The following CDC42SE2 variants were observed in gnomAD, a reference collection of about 807,000 sequenced individuals.
The protein encoded by CDC42SE2 is CDC42 small effector protein 2.
CDC42SE2 carries 3 observed loss-of-function variants against 11.5 expected under a neutral mutation model. The observed-to-expected ratio is 0.26, with a 90% CI of 0.12 to 0.67. CDC42SE2 has a LOEUF of 0.67. Ranked by LOEUF, CDC42SE2 falls within the 30% of genes least tolerant of loss-of-function variation. The probability of loss-of-function intolerance (pLI) is 0.80; values close to 1 mark genes in which losing one functional copy is unlikely to be tolerated. For missense variants in CDC42SE2, 82 were observed against 106.8 expected, an observed-to-expected ratio of 0.77 and a Z score of 1.02; for synonymous variants, 33 against 34.8, an observed-to-expected ratio of 0.95 and a Z score of 0.18.
intron 3 of CDC42SE2, among the ~76,000 whole-genome samples, chr5:131,367,082 G>T (rs1453361891): frequency 2.0e-5 from 3 of 150,442 alleles, no homozygotes; most frequent in African/African-American, 7.3e-5. Context: ...TATATAACAG[G>T]TCAAAATATA....
intron 2 of CDC42SE2, among the ~76,000 whole-genome samples, chr5:131,337,053 AGC>A (rs1758583555): frequency 6.6e-6 from 1 of 152,030 alleles, no homozygotes. Context: ...TCTGATTTTT[AGC>A]GTTTCCGGTT....
At chr5:131,238,100 T>C in the CDC42SE2 span, among the ~76,000 whole-genome samples, 1 of 82 alleles carries the variant, frequency 0.012, no homozygotes, top group Non-Finnish European at 0.045. Flanking sequence ...ATAGTATTTT[T>C]CATCCTTTCC....
At chr5:131,310,057 C>A (rs867293996) in intron 1 of CDC42SE2, among the ~76,000 whole-genome samples, 12 of 152,092 alleles carry the variant, frequency 7.9e-5, no homozygotes, top group African/African-American at 2.4e-4. Context: ...AATTTTGGAT[C>A]TTTCCTGCTT....
chr5:131,256,704 G>A (rs1365461780), intron 2 of CDC42SE2, among the ~76,000 whole-genome samples: 1 of 152,234 alleles, frequency 6.6e-6, no homozygotes, highest in African/African-American at 2.4e-5. Flanking sequence ...GCCACTTTCT[G>A]CTCCTAGAGC....
intron 2 of CDC42SE2, among the ~76,000 whole-genome samples, chr5:131,348,329 C>G (rs915061178): frequency 2.6e-5 from 4 of 152,180 alleles, no homozygotes; most frequent in East Asian, 1.9e-4. Flanking sequence ...GCAAAAATCA[C>G]AAGCATTCTT....
At position 131,359,957 on chromosome 5, in the gene CDC42SE2, AT is replaced by A. The variant is rs1749661670; in HGVS notation, c.54+411del. The stretch of plus-strand genomic sequence containing the variant: ...TCCTCAGAGCAACCCTCTGAGGAAG[AT>A]ATCATTGTCTTTATTTTTCAGTTGA... On this transcript the variant is annotated intron_variant, in intron 3 of 4. Coordinates refer to ENST00000505065, the MANE Select transcript of CDC42SE2 (RefSeq NM_001375635.1). Among the ~76,000 whole-genome samples, 3 of 152,078 alleles carry A rather than the reference AT, an allele frequency of 2.0e-5. No individual in the cohort carries two copies. In the South Asian group the frequency reaches 6.2e-4, roughly 32 times the overall value.
the CDC42SE2 span, among the ~76,000 whole-genome samples, chr5:131,222,631 C>A: frequency 6.6e-6 from 1 of 152,200 alleles, no homozygotes; most frequent in Non-Finnish European, 1.5e-5. Context: ...ATTTCTACTG[C>A]ATGTATGTTG....
chr5:131,312,058 T>C, intron 1 of CDC42SE2, among the ~76,000 whole-genome samples: 1 of 152,216 alleles, frequency 6.6e-6, no homozygotes, highest in Non-Finnish European at 1.5e-5. Context: ...TTCTGTTTTT[T>C]CCCCATCTTT....
intron 2 of CDC42SE2, among the ~76,000 whole-genome samples, chr5:131,333,634 T>C (rs1758477426): frequency 6.6e-6 from 1 of 152,182 alleles, no homozygotes; most frequent in Non-Finnish European, 1.5e-5. Flanking sequence ...GTATCCTCTT[T>C]TATTTCATTG....
In CDC42SE2 at chr5:131,342,388, C is replaced by CTTTTTTTTTTTTTTT. The variant is rs35818778; in HGVS notation, c.-285-16816_-285-16802dup. On this transcript the variant is annotated intron_variant, in intron 2 of 4. Coordinates refer to ENST00000505065, the MANE Select transcript of CDC42SE2 (RefSeq NM_001375635.1). ...TCAGAGATTTGCCATTTTTAATAGT[C>CTTTTTTTTTTTTTTT]TTTTTTTTTTTTTTTTTTTAAGATA... Among the ~76,000 whole-genome samples the CTTTTTTTTTTTTTTT allele has an allele frequency of 8.4e-4, 94 of 111,302 alleles. 14 individuals carry two copies. The highest frequency in any genetic ancestry group is 4.0e-3 in the African/African-American group (90 of 22,564). The allele number at this position is 111,302 out of a possible 152,430, so 73.0% of individuals were successfully genotyped here.
At chr5:131,319,193 G>C (rs1758109658) in intron 2 of CDC42SE2, among the ~76,000 whole-genome samples, 1 of 151,958 alleles carries the variant, frequency 6.6e-6, no homozygotes, top group South Asian at 2.1e-4. Flanking sequence ...GGGGGTGTAA[G>C]GTAGGAGAAA....
intron 3 of CDC42SE2, among the ~76,000 whole-genome samples, chr5:131,368,122 G>A (rs921477371): frequency 2.3e-4 from 35 of 151,980 alleles, no homozygotes; most frequent in African/African-American, 7.2e-4. Flanking sequence ...GCGTGGTGGC[G>A]GACGCCTGTG....
intron 1 of CDC42SE2, among the ~76,000 whole-genome samples, chr5:131,310,440 A>G (rs1757879314): frequency 6.6e-6 from 1 of 151,652 alleles, no homozygotes; most frequent in East Asian, 1.9e-4. Flanking sequence ...TGGGGTGGAG[A>G]GTTCTGTAGA....
chr5:131,251,534 G>A (rs1756638349), intron 1 of CDC42SE2, among the ~76,000 whole-genome samples: 1 of 151,950 alleles, frequency 6.6e-6, no homozygotes, highest in South Asian at 2.1e-4. Context: ...TAGTAAGATA[G>A]AATATGCAAT....
At chr5:131,281,026 C>T (rs1257295719) in intron 1 of CDC42SE2, among the ~76,000 whole-genome samples, 1 of 152,108 alleles carries the variant, frequency 6.6e-6, no homozygotes, top group Admixed American at 6.6e-5. Flanking sequence ...TGGAAATCAC[C>T]AGTTCCAAAT....
chr5:131,290,441 A>G (rs188738361), intron 1 of CDC42SE2, among the ~76,000 whole-genome samples: 1 of 149,914 alleles, frequency 6.7e-6, no homozygotes, highest in African/African-American at 2.4e-5. Flanking sequence ...AGTTTTGAGA[A>G]ACTGTATAAC....
At chr5:131,249,243 C>T (rs1756620813) in intron 1 of CDC42SE2, among the ~76,000 whole-genome samples, 1 of 152,076 alleles carries the variant, frequency 6.6e-6, no homozygotes, top group African/African-American at 2.4e-5. Flanking sequence ...ATCACAAACT[C>T]CTGACCTCAG....
chr5:131,339,364 A>G (rs1432868113), intron 2 of CDC42SE2, among the ~76,000 whole-genome samples: 2 of 151,842 alleles, frequency 1.3e-5, no homozygotes, highest in Non-Finnish European at 2.9e-5. Context: ...AACATGAGAG[A>G]GAGTCAGACA....
chr5:131,305,049 T>G (rs547619595), intron 1 of CDC42SE2, among the ~76,000 whole-genome samples: 1 of 152,228 alleles, frequency 6.6e-6, no homozygotes, highest in South Asian at 2.1e-4. Flanking sequence ...TCCTAGGAGA[T>G]TAGCTGATCT....
Sources: allele counts gnomAD v4.1 joint callset (sites outside exome capture counted in the v4.1 genomes callset), GRCh38; gene constraint gnomAD v4.1.1; transcripts MANE v1.5; gene names NCBI Gene and HGNC (gene_info 2026-07-23, HGNC 2026-07-21).